OLA1: variants seen among roughly 807,000 people sequenced by gnomAD.
The protein encoded by OLA1 is obg-like ATPase 1.
Under a neutral mutation model 48.4 loss-of-function variants are expected in OLA1, and 14 were observed. That is an observed-to-expected ratio of 0.29 (90% CI 0.19 to 0.45). The LOEUF (loss-of-function observed/expected upper bound fraction) is 0.45. Among genes scored for constraint, OLA1 ranks in the 20% least tolerant of loss-of-function variants. The pLI is 1.00. For missense variants in OLA1, 325 were observed against 467.1 expected (o/e 0.70, Z 2.80); for synonymous variants, 127 against 150.4 (o/e 0.84, Z 1.14).
At chr2:174,230,236 A>G (rs1688697557) in intron 2 of OLA1, among the ~76,000 whole-genome samples, 1 of 152,170 alleles carries the variant, frequency 6.6e-6, no homozygotes, top group African/African-American at 2.4e-5. Context: ...ATATGATAAT[A>G]CGGTGCCAAA....
At chr2:174,210,447 A>G (rs1173654201) in intron 4 of OLA1, among the ~76,000 whole-genome samples, 3 of 152,190 alleles carry the variant, frequency 2.0e-5, no homozygotes, top group Admixed American at 2.0e-4. Flanking sequence ...TTACAAAGTT[A>G]CAATTAATTT....
Position 174,080,904 on chromosome 2 carries a change from T to C in OLA1, c.966+248A>G, listed in dbSNP as rs1465419247. On this transcript the variant is annotated intron_variant, in intron 9 of 10. Transcript: ENST00000284719. ...CTTATCTCTGACCACAGGAGGAGGG[T>C]AGACAGATTCTACAGGATGAAGAAA... The C allele has an allele frequency of 7.4e-6, 3 of 404,224 alleles. No individual in the cohort carries two copies. The East Asian group carries it at 1.6e-4, about 21-fold the overall frequency. 25.0% of individuals were successfully genotyped at this position (404,224 alleles called of 1,614,324 possible). A position where few individuals can be genotyped will look rare whatever the true frequency, so the allele number is the denominator to read the frequency against.
At chr2:174,180,017 T>C (rs945900306) in intron 4 of OLA1, among the ~76,000 whole-genome samples, 2 of 152,126 alleles carry the variant, frequency 1.3e-5, no homozygotes, top group African/African-American at 2.4e-5. Flanking sequence ...TTCTAGGTTA[T>C]AAGCTAACAT....
intron 7 of OLA1, among the ~76,000 whole-genome samples, chr2:174,113,248 T>G (rs10048760): frequency 0.5 from 76,540 of 152,066 alleles, 19,871 homozygotes; most frequent in East Asian, 0.94. Context: ...CCCAGTCAAA[T>G]AATTATTTTT....
intron 5 of OLA1, among the ~76,000 whole-genome samples, chr2:174,126,352 C>T (rs1012296710): frequency 1.3e-5 from 2 of 151,934 alleles, no homozygotes; most frequent in African/African-American, 4.8e-5. Context: ...AAATTGAATA[C>T]CCAATGCATT....
At chr2:174,240,295 C>T (rs765481712) in intron 2 of OLA1, 1 of 152,122 alleles carries the variant, frequency 6.6e-6, no homozygotes, top group African/African-American at 2.4e-5. Flanking sequence ...TGATAGGTCA[C>T]CATATTGATG....
chr2:174,183,926 C>T (rs1197749426), intron 4 of OLA1, among the ~76,000 whole-genome samples: 1 of 152,080 alleles, frequency 6.6e-6, no homozygotes, highest in Non-Finnish European at 1.5e-5. Context: ...AATAGAAAAA[C>T]TGGGGCTTTG....
chr2:174,152,998 A>G (rs1457101054), intron 4 of OLA1, among the ~76,000 whole-genome samples: 1 of 152,198 alleles, frequency 6.6e-6, no homozygotes, highest in Non-Finnish European at 1.5e-5. Flanking sequence ...TACAGGAAAC[A>G]GCTCTAAAAC....
chr2:174,116,971 T>C (rs1445534653), intron 7 of OLA1, among the ~76,000 whole-genome samples: 2 of 152,176 alleles, frequency 1.3e-5, no homozygotes, highest in African/African-American at 4.8e-5. Context: ...ATTGTAACAA[T>C]GTAAACAAAG....
At chr2:174,164,620 T>G (rs1687118972) in intron 4 of OLA1, among the ~76,000 whole-genome samples, 1 of 152,280 alleles carries the variant, frequency 6.6e-6, no homozygotes, top group East Asian at 1.9e-4. Context: ...TTCTTAAAAT[T>G]TTTTAAGTGT....
At chr2:174,139,893 G>GAAAAAAAAA (rs201132877) in intron 5 of OLA1, among the ~76,000 whole-genome samples, 1 of 134,456 alleles carries the variant, frequency 7.4e-6, no homozygotes. Flanking sequence ...AAGAAAGAAA[G>GAAAAAAAAA]AAAAAAAAAA....
Position 174,246,828 on chromosome 2 carries a change from A to G in OLA1, c.1-13T>C, listed in dbSNP as rs1055682584. 5.1e-6 allele frequency: 8 copies of G among 1,567,910 alleles called. No individual in the cohort carries two copies. The highest frequency in any genetic ancestry group is 7.0e-6 in the Non-Finnish European group (8 of 1,140,614). ...TTTTAGGGGGCATCTGAAATACCAA[A>G]GCAAACATATGAACAAAACTTTTTA... On this transcript the variant is annotated splice_polypyrimidine_tract_variant and intron_variant, in intron 1 of 10. Transcript: ENST00000284719.
chr2:174,102,742 T>C (rs1322518467), intron 7 of OLA1, among the ~76,000 whole-genome samples: 2 of 152,210 alleles, frequency 1.3e-5, no homozygotes, highest in African/African-American at 2.4e-5. Context: ...ACATATGCCA[T>C]TTCATTTACT....
intron 4 of OLA1, among the ~76,000 whole-genome samples, chr2:174,214,099 G>A (rs1469083166): frequency 2.0e-5 from 3 of 151,896 alleles, no homozygotes; most frequent in Admixed American, 6.6e-5. Context: ...TTGGGAGGCC[G>A]AGGCAGGCAG....
chr2:174,086,685 T>C (rs1684985096), intron 7 of OLA1, among the ~76,000 whole-genome samples: 1 of 152,188 alleles, frequency 6.6e-6, no homozygotes, highest in South Asian at 2.1e-4. Flanking sequence ...AAGTGACTAA[T>C]GGGCAGGTCG....
At chr2:174,240,105 T>C (rs897857239) in intron 2 of OLA1, 22 of 152,186 alleles carry the variant, frequency 1.4e-4, no homozygotes, top group African/African-American at 5.1e-4. Context: ...TGAGTTTTTT[T>C]AAGCATGAAA....
At chr2:174,110,338 G>C (rs1159880318) in intron 7 of OLA1, among the ~76,000 whole-genome samples, 1 of 134,362 alleles carries the variant, frequency 7.4e-6, no homozygotes, top group Admixed American at 8.1e-5. Flanking sequence ...TTTTAGTAGA[G>C]ACGAGTTTTC....
intron 4 of OLA1, among the ~76,000 whole-genome samples, chr2:174,171,358 GAC>G (rs1687297999): frequency 6.6e-6 from 1 of 152,130 alleles, no homozygotes; most frequent in African/African-American, 2.4e-5. Flanking sequence ...ATTTGGCCCA[GAC>G]TACGCATAGC....
At chr2:174,120,892 C>T (rs1193319942) in intron 7 of OLA1, among the ~76,000 whole-genome samples, 4 of 152,138 alleles carry the variant, frequency 2.6e-5, no homozygotes, top group Non-Finnish European at 5.9e-5. Context: ...CTAAAAGACC[C>T]ATGAAAGTAT....
Sources: allele counts gnomAD v4.1 joint callset (sites outside exome capture counted in the v4.1 genomes callset), GRCh38; gene constraint gnomAD v4.1.1; transcripts MANE v1.5; gene names NCBI Gene and HGNC (gene_info 2026-07-23, HGNC 2026-07-21).